Variants in SLC35F3 observed in about 807,000 individuals in gnomAD.
SLC35F3 encodes the protein putative thiamine transporter SLC35F3.
SLC35F3 carries 25 observed loss-of-function variants against 49.9 expected under a neutral mutation model. The ratio of observed to expected loss-of-function variants is 0.50; its 90% CI spans 0.37 to 0.70. The LOEUF (loss-of-function observed/expected upper bound fraction) is 0.70, where lower values mean the gene tolerates loss of function less well. SLC35F3 is among the 30% of genes least tolerant of loss of function. The pLI, the probability that SLC35F3 is intolerant of heterozygous loss-of-function variation, is 0.00. For missense variants in SLC35F3, 525 were observed against 639.8 expected, an observed-to-expected ratio of 0.82 and a Z score of 1.94; for synonymous variants, 275 against 265.4, an observed-to-expected ratio of 1.04 and a Z score of -0.35.
intron 2 of SLC35F3, among the ~76,000 whole-genome samples, chr1:233,926,651 A>G (rs1662165650): frequency 6.6e-6 from 1 of 152,032 alleles, no homozygotes; most frequent in Non-Finnish European, 1.5e-5. Context: ...CATCAAAGTC[A>G]TTTTCTGTCC....
At position 234,180,011 on chromosome 1, in the gene SLC35F3, T is replaced by C. The variant is rs565428172; in HGVS notation, c.284-51406T>C. On this transcript the variant is annotated intron_variant, in intron 2 of 7. Transcript: ENST00000366618. The stretch of plus-strand genomic sequence containing the variant: ...CAGCAGTTCAGCAGTATCACTCCTA[T>C]AGCTCGATCCTAGAATTGTTTGGGC... Among the ~76,000 whole-genome samples the C allele has an allele frequency of 1.4e-4, 22 of 152,338 alleles. 1 individual carries two copies. The East Asian group carries it at 1.9e-3, about 13-fold the overall frequency.
At chr1:234,126,494 T>TGTGTGTGTGTGTGTGTGTGTG (rs1553307646) in intron 2 of SLC35F3, among the ~76,000 whole-genome samples, 5 of 152,118 alleles carry the variant, frequency 3.3e-5, no homozygotes, top group South Asian at 2.1e-4. Flanking sequence ...TGTGTGTGTA[T>TGTGTGTGTGTGTGTGTGTGTG]TTAGTTCTAC....
At chr1:234,061,773 A>T (rs933775903) in intron 2 of SLC35F3, among the ~76,000 whole-genome samples, 5 of 152,090 alleles carry the variant, frequency 3.3e-5, no homozygotes, top group Non-Finnish European at 7.4e-5. Context: ...TTTAGTTGTT[A>T]TACTTTTCAA....
intron 2 of SLC35F3, among the ~76,000 whole-genome samples, chr1:234,143,285 TTTC>T (rs1192641356): frequency 2.8e-4 from 35 of 123,246 alleles, no homozygotes; most frequent in African/African-American, 1.3e-3. Flanking sequence ...TTTCTTTTCT[TTTC>T]TTTTTTTTTT....
chr1:234,309,228 A>T lies in SLC35F3; in HGVS notation c.736A>T (p.Thr246Ser). 6.2e-7 allele frequency: 1 copy of T among 1,614,204 alleles called. No homozygotes were observed. Among genetic ancestry groups the T allele is most frequent in the Non-Finnish European group, 8.5e-7 (1 of 1,180,030 alleles). Residue 246 changes from threonine to serine, a missense_variant, in exon 4 of 8, where the codon ACT becomes TCT. Thr to Ser is a moderately conservative substitution (Grantham distance 58). Around this residue, in one of 4 missense-constraint regions of SLC35F3, gnomAD observed 216 missense variants for 298.1 expected, o/e 0.72. Coordinates refer to ENST00000366618, the MANE Select transcript of SLC35F3 (RefSeq NM_173508.4). ...LYLHAIKKIN[T>S]TDVSVLFCCN... Reference sequence around the variant, plus strand: ...CTTACATGCAATAAAGAAAATAAACACTACGGATGTCTCCGTGTTGTTCTG... The same window carrying T: ...CTTACATGCAATAAAGAAAATAAACTCTACGGATGTCTCCGTGTTGTTCTG...
chr1:233,970,900 C>T (rs1197112002), intron 2 of SLC35F3, among the ~76,000 whole-genome samples: 1 of 152,212 alleles, frequency 6.6e-6, no homozygotes, highest in Non-Finnish European at 1.5e-5. Flanking sequence ...TCCTAGCAAG[C>T]TAATAAGGAT....
At chr1:234,186,191 T>A (rs1258208177) in intron 2 of SLC35F3, among the ~76,000 whole-genome samples, 2 of 152,226 alleles carry the variant, frequency 1.3e-5, no homozygotes, top group Non-Finnish European at 1.5e-5. Context: ...TGCATTAATA[T>A]CCCTGGCACC....
At chr1:234,162,122 G>C (rs1278546761) in intron 2 of SLC35F3, among the ~76,000 whole-genome samples, 1 of 152,048 alleles carries the variant, frequency 6.6e-6, no homozygotes, top group Non-Finnish European at 1.5e-5. Context: ...ATAAGTTCTT[G>C]ACCCTCCTGA....
chr1:234,116,025 G>A (rs997258615), intron 2 of SLC35F3, among the ~76,000 whole-genome samples: 6 of 152,174 alleles, frequency 3.9e-5, no homozygotes, highest in Non-Finnish European at 7.3e-5. Context: ...GGGGCAAGCA[G>A]TTGCATTCTT....
chr1:234,176,733 G>A (rs968035087), intron 2 of SLC35F3, among the ~76,000 whole-genome samples: 2 of 152,146 alleles, frequency 1.3e-5, no homozygotes, highest in African/African-American at 4.8e-5. Flanking sequence ...TCCCTGGGTT[G>A]TACCCCAGAC....
intron 2 of SLC35F3, among the ~76,000 whole-genome samples, chr1:234,126,552 GACCACAC>G (rs1665650864): frequency 6.6e-6 from 1 of 151,776 alleles, no homozygotes; most frequent in Non-Finnish European, 1.5e-5. Context: ...CTACAGTCAA[GACCACAC>G]AGGTCCATGA....
intron 2 of SLC35F3, among the ~76,000 whole-genome samples, chr1:234,197,735 T>G (rs532688266): frequency 6.6e-6 from 1 of 152,328 alleles, no homozygotes; most frequent in South Asian, 2.1e-4. Flanking sequence ...CCTTGCAAAG[T>G]GGGGCATAGC....
intron 2 of SLC35F3, among the ~76,000 whole-genome samples, chr1:234,186,018 T>G (rs1445656455): frequency 1.3e-5 from 2 of 152,172 alleles, no homozygotes; most frequent in Non-Finnish European, 2.9e-5. Context: ...CGTAGACAGT[T>G]TGTCTGAAGG....
intron 3 of SLC35F3, among the ~76,000 whole-genome samples, chr1:234,256,749 G>A (rs1667827058): frequency 6.6e-6 from 1 of 152,218 alleles, no homozygotes; most frequent in African/African-American, 2.4e-5. Context: ...GCTCAATTGT[G>A]CATGTGCACG....
intron 2 of SLC35F3, among the ~76,000 whole-genome samples, chr1:233,934,989 C>CT (rs1213767947): frequency 6.6e-6 from 1 of 151,336 alleles, no homozygotes; most frequent in Non-Finnish European, 1.5e-5. Context: ...TTTAATATCC[C>CT]TTTGCAAGAG....
intron 2 of SLC35F3, among the ~76,000 whole-genome samples, chr1:233,920,566 G>A (rs1240381913): frequency 2.6e-5 from 4 of 152,212 alleles, no homozygotes; most frequent in Admixed American, 2.6e-4. Context: ...TGAGCACCAG[G>A]TACCCCCTCT....
At chr1:233,921,510 T>G (rs1662058415) in intron 2 of SLC35F3, among the ~76,000 whole-genome samples, 1 of 152,206 alleles carries the variant, frequency 6.6e-6, no homozygotes, top group African/African-American at 2.4e-5. Flanking sequence ...ACGAATAGTT[T>G]CACTGCCCTA....
intron 2 of SLC35F3, among the ~76,000 whole-genome samples, chr1:234,008,945 T>G (rs921826155): frequency 6.6e-5 from 10 of 152,234 alleles, no homozygotes; most frequent in Non-Finnish European, 1.3e-4. Context: ...TTTCCTTTTT[T>G]CTGGAGATAA....
In SLC35F3 at chr1:233,923,519, G is replaced by A. The variant is rs555766194; in HGVS notation, c.283+17761G>A. On this transcript the variant is annotated intron_variant, in intron 2 of 7. Transcript: ENST00000366618. ...TTTTGTATCCTGAGACTTTGCTGAA[G>A]TTGCCTATCAGCTTAAGGAGATTTT... Among the ~76,000 whole-genome samples the A allele has an allele frequency of 2.6e-5, 4 of 152,352 alleles. No homozygotes were observed. In the East Asian group the frequency reaches 7.7e-4, roughly 29 times the overall value.
Sources: gnomAD v4.1 joint callset for allele counts (sites outside exome capture counted in the v4.1 genomes callset) on GRCh38, gnomAD v4.1.1 for gene constraint, gnomAD v4.1.1 regional missense constraint, MANE v1.5 for transcripts, NCBI Gene and HGNC (gene_info 2026-07-23, HGNC 2026-07-21) for gene names.